CDH6: variants seen among roughly 807,000 people sequenced by gnomAD.
The protein encoded by CDH6 is cadherin-6.
Under a neutral mutation model 78.0 loss-of-function variants are expected in CDH6, and 31 were observed. The ratio of observed to expected loss-of-function variants is 0.40; its 90% CI spans 0.30 to 0.54. The LOEUF (loss-of-function observed/expected upper bound fraction) is 0.54, where lower values mean the gene tolerates loss of function less well. Ranked by LOEUF, CDH6 falls within the 20% of genes least tolerant of loss-of-function variation. The pLI is 0.56. For missense variants in CDH6, 724 were observed against 975.9 expected (o/e 0.74, Z 3.44); for synonymous variants, 376 against 368.8 (o/e 1.02, Z -0.23).
At chr5:31,282,537 C>G (rs1158605241) in intron 2 of CDH6, among the ~76,000 whole-genome samples, 1 of 152,136 alleles carries the variant, frequency 6.6e-6, no homozygotes, top group Non-Finnish European at 1.5e-5. Context: ...AGATAATCTC[C>G]CCATCTCAAA....
intron 7 of CDH6, among the ~76,000 whole-genome samples, chr5:31,306,194 C>T (rs1033500958): frequency 2.0e-5 from 3 of 152,148 alleles, no homozygotes; most frequent in African/African-American, 7.2e-5. Context: ...ATCCTCCATT[C>T]GGATGGTTTT....
intron 1 of CDH6, among the ~76,000 whole-genome samples, chr5:31,203,628 T>C (rs542527584): frequency 0.025 from 3,783 of 151,238 alleles, 164 homozygotes; most frequent in African/African-American, 0.088. Context: ...GTGCCACATT[T>C]TCTTAATCCA....
chr5:31,291,858 A>ATCTCACT (rs1743172822), intron 2 of CDH6, among the ~76,000 whole-genome samples: 1 of 152,122 alleles, frequency 6.6e-6, no homozygotes, highest in African/African-American at 2.4e-5. Flanking sequence ...GATTGCATTT[A>ATCTCACT]TCTCACTTCT....
At chr5:31,228,684 A>C (rs1741231766) in intron 1 of CDH6, among the ~76,000 whole-genome samples, 1 of 152,214 alleles carries the variant, frequency 6.6e-6, no homozygotes, top group Admixed American at 6.5e-5. Context: ...CATAAGGAGC[A>C]CGCAACCTGC....
At chr5:31,214,737 A>T (rs1055616841) in intron 1 of CDH6, among the ~76,000 whole-genome samples, 4 of 152,202 alleles carry the variant, frequency 2.6e-5, no homozygotes, top group African/African-American at 9.7e-5. Context: ...GGAACCTCAT[A>T]GAAACTGCCA....
intron 1 of CDH6, among the ~76,000 whole-genome samples, chr5:31,257,054 C>G (rs983502476): frequency 1.3e-5 from 2 of 152,208 alleles, no homozygotes; most frequent in African/African-American, 4.8e-5. Context: ...ACCAAACATT[C>G]AAAAGAACTT....
intron 7 of CDH6, among the ~76,000 whole-genome samples, chr5:31,307,584 A>G (rs553013003): frequency 6.6e-6 from 1 of 152,356 alleles, no homozygotes; most frequent in African/African-American, 2.4e-5. Flanking sequence ...TCACTAATAT[A>G]GCTTTCACTA....
In CDH6 at chr5:31,317,931, T is replaced by C. The variant is rs1466426863; in HGVS notation, c.1882+7T>C. 6.2e-6 allele frequency: 10 copies of C among 1,611,392 alleles called. No individual in the cohort carries two copies. In the East Asian group the frequency reaches 2.0e-4, roughly 32 times the overall value. ...TGCATCGTGATCCTACTAGGTAAAC[T>C]GGTTCTCCCTGCCTCCTATCTCCCC... On this transcript the variant is annotated splice_region_variant and intron_variant, in intron 11 of 11. Coordinates refer to ENST00000265071, the MANE Select transcript of CDH6 (RefSeq NM_004932.4).
At chr5:31,211,409 A>AAG (rs59913681) in intron 1 of CDH6, among the ~76,000 whole-genome samples, 1,586 of 151,396 alleles carry the variant, frequency 0.01, 37 homozygotes, top group African/African-American at 0.035. Context: ...AAAAAAAAAA[A>AAG]TGTTCTTCAA....
intron 2 of CDH6, among the ~76,000 whole-genome samples, chr5:31,269,699 A>G (rs1237910159): frequency 6.6e-6 from 1 of 152,264 alleles, no homozygotes; most frequent in Non-Finnish European, 1.5e-5. Context: ...GAGGTAATTA[A>G]CAAAGCTCAG....
At chr5:31,219,427 A>G (rs1473688318) in intron 1 of CDH6, among the ~76,000 whole-genome samples, 1 of 152,006 alleles carries the variant, frequency 6.6e-6, no homozygotes, top group African/African-American at 2.4e-5. Flanking sequence ...AACATATCCA[A>G]TTTTCCCTGT....
At chr5:31,275,553 C>T (rs1461938996) in intron 2 of CDH6, among the ~76,000 whole-genome samples, 3 of 152,134 alleles carry the variant, frequency 2.0e-5, no homozygotes, top group African/African-American at 7.2e-5. Flanking sequence ...TTTATGGCTG[C>T]ATAGTATTCC....
intron 2 of CDH6, among the ~76,000 whole-genome samples, chr5:31,287,814 C>G (rs1173948453): frequency 6.6e-6 from 1 of 152,224 alleles, no homozygotes; most frequent in Non-Finnish European, 1.5e-5. Context: ...TAACTAGTTC[C>G]CAGGTAATGC....
intron 7 of CDH6, among the ~76,000 whole-genome samples, chr5:31,308,477 C>T (rs1351651728): frequency 1.4e-5 from 2 of 147,640 alleles, no homozygotes; most frequent in African/African-American, 2.5e-5. Flanking sequence ...CTGCTATGAT[C>T]ATGATGGGAT....
chr5:31,324,762 C>T lies in CDH6; in HGVS notation c.*1454C>T, dbSNP rs1210486487. On this transcript the variant is annotated 3_prime_UTR_variant, in exon 12 of 12. Transcript: ENST00000265071. ...CCTCATAGTTATTATCCAGAGGACCCAACTGAACTGAACTAATCCTTCTGG... is the reference window on the plus strand; with the variant it reads ...CCTCATAGTTATTATCCAGAGGACCTAACTGAACTGAACTAATCCTTCTGG... 2 of 207,130 alleles carry T rather than the reference C, an allele frequency of 9.7e-6. No individual in the cohort carries two copies. Among genetic ancestry groups the T allele is most frequent in the Non-Finnish European group, 2.0e-5 (2 of 101,688 alleles). The allele number at this position is 207,130 out of a possible 1,614,324, so 12.8% of individuals were successfully genotyped here.
At chr5:31,270,742 G>T (rs781606405) in intron 2 of CDH6, among the ~76,000 whole-genome samples, 41 of 151,566 alleles carry the variant, frequency 2.7e-4, no homozygotes, top group Non-Finnish European at 4.0e-4. Context: ...TGTCACCCAG[G>T]TTTAAGTTCA....
chr5:31,244,333 A>G (rs1396661604), intron 1 of CDH6, among the ~76,000 whole-genome samples: 2 of 152,222 alleles, frequency 1.3e-5, no homozygotes, highest in African/African-American at 4.8e-5. Context: ...GGATTCTGAG[A>G]TGAGATTACT....
intron 1 of CDH6, among the ~76,000 whole-genome samples, chr5:31,194,220 C>T (rs1018758316): frequency 2.0e-5 from 3 of 152,206 alleles, no homozygotes; most frequent in Admixed American, 1.3e-4. Flanking sequence ...CCTTTCTCTA[C>T]GCCGGCAGAG....
chr5:31,316,577 T>C (rs1259038976), intron 9 of CDH6, among the ~76,000 whole-genome samples: 1 of 152,240 alleles, frequency 6.6e-6, no homozygotes, highest in Non-Finnish European at 1.5e-5. Flanking sequence ...TAGATTAGTC[T>C]CACCTTTATT....
Sources: allele counts gnomAD v4.1 joint callset (sites outside exome capture counted in the v4.1 genomes callset), GRCh38; gene constraint gnomAD v4.1.1; transcripts MANE v1.5; gene names NCBI Gene and HGNC (gene_info 2026-07-23, HGNC 2026-07-21).